Variants in NADSYN1 observed in about 807,000 individuals in gnomAD.
NADSYN1 encodes glutamine-dependent NAD(+) synthetase.
NADSYN1 carries 80 observed loss-of-function variants against 99.3 expected under a neutral mutation model. The ratio of observed to expected loss-of-function variants is 0.81; its 90% CI spans 0.67 to 0.97. NADSYN1 has a LOEUF of 0.97. Among genes scored for constraint, NADSYN1 ranks in the 50% least tolerant of loss-of-function variants. The probability of loss-of-function intolerance (pLI) is 0.00; values close to 1 mark genes in which losing one functional copy is unlikely to be tolerated. For missense variants in NADSYN1, 859 were observed against 948.5 expected, an observed-to-expected ratio of 0.91 and a Z score of 1.24; for synonymous variants, 385 against 372.1, an observed-to-expected ratio of 1.03 and a Z score of -0.40.
rs373544975 is a variant in NADSYN1 at position 71,480,871 on chromosome 11, G to A, written c.990G>A (p.Glu330=). Residue 330 remains glutamate (E), a synonymous_variant, in exon 11 of 21, where the codon GAG becomes GAA. Transcript: ENST00000319023. ...AGTGGAAATACCACAGCCCTGAGGA[G>A]GAGATAAGGTGTGTGGCCCCTGACC... The part of the protein sequence containing the change: ...PIEWKYHSPE[E]EISLGPACWL... 1.3e-5 allele frequency: 21 copies of A among 1,614,002 alleles called. No individual in the cohort carries two copies. The highest frequency in any genetic ancestry group is 1.7e-5 in the Non-Finnish European group (20 of 1,180,000).
chr11:71,456,304 G>T (rs1320924661), intron 2 of NADSYN1, among the ~76,000 whole-genome samples: 2 of 152,310 alleles, frequency 1.3e-5, no homozygotes, highest in African/African-American at 4.8e-5. Flanking sequence ...TGTTTACTTT[G>T]TTCTTTAATT....
chr11:71,472,747 C>T (rs1205650461), intron 6 of NADSYN1, among the ~76,000 whole-genome samples: 1 of 152,216 alleles, frequency 6.6e-6, no homozygotes, highest in Admixed American at 6.5e-5. Context: ...ACACTGGCTT[C>T]CTCCTCTTCA....
chr11:71,490,755 G>A (rs1468328918), intron 16 of NADSYN1, 90 bp from the exon 17 acceptor site: 14 of 1,541,762 alleles, frequency 9.1e-6, no homozygotes, highest in East Asian at 9.1e-5. Flanking sequence ...TGGCTTCAGG[G>A]CCCCTGGAAG....
intron 17 of NADSYN1, 73 bp from the exon 18 acceptor site, chr11:71,491,761 C>T (rs1417501913): frequency 5.7e-6 from 8 of 1,409,944 alleles, no homozygotes; most frequent in African/African-American, 4.2e-5. Context: ...GAAACTTAGT[C>T]TGGGGATTCT....
At chr11:71,482,401 G>T (rs1949714208) in intron 13 of NADSYN1, among the ~76,000 whole-genome samples, 1 of 152,208 alleles carries the variant, frequency 6.6e-6, no homozygotes, top group South Asian at 2.1e-4. Flanking sequence ...GATGGATGGG[G>T]CTGTGGGCCA....
intron 9 of NADSYN1, chr11:71,475,737 TG>T (rs1296324504): frequency 3.8e-6 from 1 of 260,928 alleles, no homozygotes; most frequent in African/African-American, 2.3e-5. Flanking sequence ...GTTTTTGAGA[TG>T]GAGTCTTGCT....
intron 19 of NADSYN1, 130 bp downstream of exon 19, chr11:71,497,741 G>A: frequency 8.1e-7 from 1 of 1,227,712 alleles, no homozygotes; most frequent in South Asian, 1.4e-5. Flanking sequence ...ATCTCACACA[G>A]TAACACTTTT....
intron 5 of NADSYN1, among the ~76,000 whole-genome samples, chr11:71,466,047 C>T (rs933954936): frequency 2.6e-5 from 4 of 152,178 alleles, no homozygotes; most frequent in Non-Finnish European, 4.4e-5. Context: ...TGGGCAATTT[C>T]GTCTTTTTCC....
At chr11:71,474,705 G>A (rs1949653083) in intron 9 of NADSYN1, 179 bp downstream of exon 9, 1 of 684,790 alleles carries the variant, frequency 1.5e-6, no homozygotes, top group African/African-American at 1.8e-5. Context: ...CTGTGGAGAA[G>A]CCCCCGGGGG....
chr11:71,496,287 T>G (rs1949818096), intron 18 of NADSYN1: 1 of 152,242 alleles, frequency 6.6e-6, no homozygotes, highest in South Asian at 2.1e-4. Context: ...GTCCCCAGTC[T>G]TCTTGGCACC....
intron 10 of NADSYN1, chr11:71,479,806 A>G (rs750044403): frequency 1.3e-5 from 2 of 152,236 alleles, no homozygotes; most frequent in Non-Finnish European, 2.9e-5. Context: ...AAACTCACTG[A>G]TATGAAGAGT....
Position 71,473,419 on chromosome 11 carries a change from G to C in NADSYN1, c.548+53G>C. ...ATCGCCCACCTCATATGGGCCAGCTGGGAGGACCTGGGACTGCAGACGTCC... is the reference window on the plus strand; with the variant it reads ...ATCGCCCACCTCATATGGGCCAGCTCGGAGGACCTGGGACTGCAGACGTCC... On this transcript the variant is annotated intron_variant, in intron 7 of 20. Coordinates refer to ENST00000319023, the MANE Select transcript of NADSYN1 (RefSeq NM_018161.5). 3.2e-6 allele frequency: 5 copies of C among 1,585,492 alleles called. No individual in the cohort carries two copies. In the Admixed American group the frequency reaches 8.3e-5, roughly 26 times the overall value.
At chr11:71,497,676 G>T in intron 19 of NADSYN1, 65 bp downstream of exon 19, 1 of 1,602,372 alleles carries the variant, frequency 6.2e-7, no homozygotes. Context: ...GCAGAGGCCG[G>T]TTTGACCTGT....
chr11:71,455,317 A>G, intron 2 of NADSYN1, 147 bp downstream of exon 2: 1 of 637,736 alleles, frequency 1.6e-6, no homozygotes, highest in South Asian at 2.0e-5. Flanking sequence ...AATGCCATTG[A>G]ACACCTGAGC....
At chr11:71,490,728 T>C in intron 16 of NADSYN1, 117 bp from the exon 17 acceptor site, 1 of 1,448,970 alleles carries the variant, frequency 6.9e-7, no homozygotes, top group Non-Finnish European at 9.3e-7. Flanking sequence ...CCGGGATGCT[T>C]GAATATGCCA....
At chr11:71,477,325 C>G (rs1392992459) in intron 9 of NADSYN1, 2 of 1,288,468 alleles carry the variant, frequency 1.6e-6, no homozygotes, top group Non-Finnish European at 2.0e-6. Flanking sequence ...TCACACGGAC[C>G]GTGGCTTTCT....
chr11:71,458,827 C>A, intron 3 of NADSYN1: 1 of 326,562 alleles, frequency 3.1e-6, no homozygotes, highest in Non-Finnish European at 5.9e-6. Context: ...AGCATTCACC[C>A]CACCCCGTGC....
At chr11:71,454,499 A>C (rs1320710185) in intron 1 of NADSYN1, among the ~76,000 whole-genome samples, 1 of 152,230 alleles carries the variant, frequency 6.6e-6, no homozygotes, top group African/African-American at 2.4e-5. Flanking sequence ...GGCATGAGCC[A>C]CCGCAGCCAG....
intron 12 of NADSYN1, 191 bp downstream of exon 12, chr11:71,481,595 C>CAGCT: frequency 1.6e-6 from 1 of 634,304 alleles, no homozygotes; most frequent in Admixed American, 2.9e-5. Flanking sequence ...GCTGGTGGGT[C>CAGCT]AGCTCCACCT....
Sources: gnomAD v4.1 joint callset for allele counts (sites outside exome capture counted in the v4.1 genomes callset) on GRCh38, gnomAD v4.1.1 for gene constraint, MANE v1.5 for transcripts, NCBI Gene and HGNC (gene_info 2026-07-23, HGNC 2026-07-21) for gene names.